RAD51B: variants seen among roughly 807,000 people sequenced by gnomAD.
RAD51B encodes the protein RAD51 paralog B.
In RAD51B, 38 loss-of-function variants were observed where a neutral mutation model predicts 42.2. The observed-to-expected ratio is 0.90, with a 90% CI of 0.70 to 1.18. The LOEUF is 1.18. Among genes scored for constraint, RAD51B ranks in the 50% most tolerant of loss-of-function variants. The pLI is 0.00. For missense variants in RAD51B, 373 were observed against 400.7 expected, an observed-to-expected ratio of 0.93 and a Z score of 0.59; for synonymous variants, 154 against 145.2, an observed-to-expected ratio of 1.06 and a Z score of -0.43.
At chr14:68,038,873 A>G (rs992263885) in intron 7 of RAD51B, among the ~76,000 whole-genome samples, 1 of 152,220 alleles carries the variant, frequency 6.6e-6, no homozygotes. Flanking sequence ...ATGTTTTACT[A>G]CATTTTATTA....
intron 5 of RAD51B, among the ~76,000 whole-genome samples, chr14:67,879,049 A>G (rs1384416615): frequency 6.6e-6 from 1 of 152,214 alleles, no homozygotes; most frequent in Non-Finnish European, 1.5e-5. Flanking sequence ...ACAGGGCTCC[A>G]TTAGGAAAAT....
At chr14:68,308,192 T>G (rs2081905584) in intron 8 of RAD51B, among the ~76,000 whole-genome samples, 1 of 152,178 alleles carries the variant, frequency 6.6e-6, no homozygotes, top group Non-Finnish European at 1.5e-5. Context: ...TGAAGGACCC[T>G]TTATTAGGAC....
chr14:68,321,519 G>A (rs1006807357), intron 8 of RAD51B, among the ~76,000 whole-genome samples: 2 of 152,154 alleles, frequency 1.3e-5, no homozygotes, highest in Non-Finnish European at 2.9e-5. Context: ...TCACTGATGA[G>A]TCTCTGCTCT....
intron 9 of RAD51B, among the ~76,000 whole-genome samples, chr14:68,419,091 C>G (rs1359508447): frequency 1.3e-5 from 2 of 152,178 alleles, no homozygotes; most frequent in Non-Finnish European, 2.9e-5. Flanking sequence ...AGCCTAGGAT[C>G]TGCAGTTTTT....
Position 68,121,257 on chromosome 14 carries a change from A to G in RAD51B, c.757-170627A>G, listed in dbSNP as rs2077646479. Among the ~76,000 whole-genome samples, 3 of 152,348 alleles carry G rather than the reference A, an allele frequency of 2.0e-5. No homozygotes were observed. In the South Asian group the frequency reaches 6.2e-4, roughly 32 times the overall value. The stretch of plus-strand genomic sequence containing the variant: ...TAATCATCATAAAAGCTTTGCAACC[A>G]GACTTAGCAGCTTTATTGCAAAAGT... On this transcript the variant is annotated intron_variant, in intron 7 of 10. Transcript: ENST00000471583.
Position 68,067,481 on chromosome 14 carries a change from A to C in RAD51B, c.756+180277A>C, listed in dbSNP as rs111544477. 7.2e-3 allele frequency among the ~76,000 whole-genome samples: 1,093 copies of C among 151,598 alleles called. 15 individuals are homozygous for C. The highest frequency in any genetic ancestry group is 0.026 in the African/African-American group (1,054 of 41,280). ...TCCATCTCGGAAAAAAAAAAACAAA[A>C]AAAAAAAAACAGGAAAAGAAAAAGA... On this transcript the variant is annotated intron_variant, in intron 7 of 10. Coordinates refer to ENST00000471583, the MANE Select transcript of RAD51B (RefSeq NM_133510.4).
chr14:68,217,291 C>G (rs1383613509), intron 7 of RAD51B, among the ~76,000 whole-genome samples: 1 of 152,174 alleles, frequency 6.6e-6, no homozygotes, highest in Non-Finnish European at 1.5e-5. Context: ...TCCAGCCCTC[C>G]TCCCCCTTAA....
intron 10 of RAD51B, among the ~76,000 whole-genome samples, chr14:68,648,045 ATATAGATGTGTGTGTG>A (rs1277410997): frequency 1.4e-4 from 20 of 138,238 alleles, no homozygotes; most frequent in East Asian, 4.2e-4. Flanking sequence ...ATACACACGT[ATATAGATGTGTGTGTG>A]TATATATATA....
chr14:68,056,185 G>A (rs1274226244), intron 7 of RAD51B, among the ~76,000 whole-genome samples: 1 of 152,024 alleles, frequency 6.6e-6, no homozygotes, highest in Non-Finnish European at 1.5e-5. Flanking sequence ...TTGAGACAGG[G>A]TCTCGCTTTG....
chr14:68,579,651 C>T (rs1355807799), intron 10 of RAD51B, among the ~76,000 whole-genome samples: 2 of 152,178 alleles, frequency 1.3e-5, no homozygotes, highest in Non-Finnish European at 2.9e-5. Flanking sequence ...TTTTACCTGG[C>T]AGCCCATTTG....
chr14:68,041,815 T>A (rs2076222642), intron 7 of RAD51B, among the ~76,000 whole-genome samples: 1 of 152,252 alleles, frequency 6.6e-6, no homozygotes, highest in Admixed American at 6.5e-5. Flanking sequence ...GCTTTTCTTT[T>A]TACTAAGATG....
chr14:68,546,886 T>C (rs1566933682), intron 10 of RAD51B, among the ~76,000 whole-genome samples: 1 of 152,186 alleles, frequency 6.6e-6, no homozygotes, highest in Admixed American at 6.5e-5. Flanking sequence ...AATGGCAAAC[T>C]CTTGGCAATT....
At chr14:68,002,864 T>A (rs185908827) in intron 7 of RAD51B, among the ~76,000 whole-genome samples, 4 of 152,332 alleles carry the variant, frequency 2.6e-5, no homozygotes, top group Admixed American at 2.0e-4. Context: ...TCCTGGGTTC[T>A]CTATTCTGTT....
chr14:68,682,930 T>C (rs1893466144), intron 11 of RAD51B: 1 of 796,822 alleles, frequency 1.3e-6, no homozygotes, highest in Non-Finnish European at 1.5e-6. Context: ...TTTTTTTTTT[T>C]GTATAGGGCA....
intron 7 of RAD51B, among the ~76,000 whole-genome samples, chr14:68,095,971 CAA>C (rs56862052): frequency 0.036 from 2,262 of 62,082 alleles, 17 homozygotes; most frequent in African/African-American, 0.081. Flanking sequence ...GACTCCGTCT[CAA>C]AAAAAAAAAA....
At chr14:68,382,513 T>G (rs949930829) in intron 8 of RAD51B, among the ~76,000 whole-genome samples, 3 of 152,254 alleles carry the variant, frequency 2.0e-5, no homozygotes, top group Non-Finnish European at 2.9e-5. Flanking sequence ...ATTTGTTCAT[T>G]CATTCAAATA....
At chr14:67,958,448 A>C (rs558528210) in intron 7 of RAD51B, among the ~76,000 whole-genome samples, 1 of 152,282 alleles carries the variant, frequency 6.6e-6, no homozygotes, top group African/African-American at 2.4e-5. Context: ...AAAAGATGAA[A>C]AATACAGAGA....
chr14:67,848,657 T>G (rs2041704424), intron 4 of RAD51B, among the ~76,000 whole-genome samples: 3 of 152,150 alleles, frequency 2.0e-5, no homozygotes, highest in Admixed American at 6.5e-5. Context: ...TAGACTTGAT[T>G]GCGTAGTTAC....
At chr14:68,589,906 T>C (rs1890663988) in intron 10 of RAD51B, among the ~76,000 whole-genome samples, 1 of 152,224 alleles carries the variant, frequency 6.6e-6, no homozygotes. Flanking sequence ...GGTATGTCTG[T>C]GTTAGCTCAC....
Sources: gnomAD v4.1 joint callset for allele counts (sites outside exome capture counted in the v4.1 genomes callset) on GRCh38, gnomAD v4.1.1 for gene constraint, MANE v1.5 for transcripts, NCBI Gene and HGNC (gene_info 2026-07-23, HGNC 2026-07-21) for gene names.